ATP2C1: variants seen among roughly 807,000 people sequenced by gnomAD.
ATP2C1 encodes the protein calcium-transporting ATPase type 2C member 1.
Under a neutral mutation model 120.5 loss-of-function variants are expected in ATP2C1, and 31 were observed. The ratio of observed to expected loss-of-function variants is 0.26; its 90% CI spans 0.19 to 0.35. ATP2C1 has a LOEUF of 0.35. ATP2C1 is among the 10% of genes least tolerant of loss of function. The pLI, the probability that ATP2C1 is intolerant of heterozygous loss-of-function variation, is 1.00. For synonymous variants in ATP2C1, 351 were observed against 358.7 expected, an observed-to-expected ratio of 0.98 and a Z score of 0.24; for missense variants, 731 against 1,107.5, an observed-to-expected ratio of 0.66 and a Z score of 4.83.
chr3:130,968,432 TATAAG>T (rs2108667859), intron 16 of ATP2C1, among the ~76,000 whole-genome samples: 1 of 152,230 alleles, frequency 6.6e-6, no homozygotes, highest in South Asian at 2.1e-4. Flanking sequence ...CTGAGTCACA[TATAAG>T]ATAAGAACAA....
intron 21 of ATP2C1, 140 bp from the exon 22 acceptor site, chr3:130,993,792 T>C: frequency 1.2e-6 from 1 of 852,078 alleles, no homozygotes; most frequent in Non-Finnish European, 1.9e-6. Context: ...TTTGTTGAAG[T>C]TCATTGAACA....
chr3:130,957,873 A>G (rs1206719001), intron 11 of ATP2C1, among the ~76,000 whole-genome samples: 1 of 152,234 alleles, frequency 6.6e-6, no homozygotes, highest in Non-Finnish European at 1.5e-5. Flanking sequence ...ATACAATATT[A>G]GTTGAAATAA....
chr3:130,931,677 AT>A (rs1035940869), intron 3 of ATP2C1, among the ~76,000 whole-genome samples: 3 of 151,888 alleles, frequency 2.0e-5, no homozygotes, highest in Non-Finnish European at 2.9e-5. Context: ...TTTTGTTTAC[AT>A]TTTTTTTAAA....
chr3:130,945,323 T>C (rs1032355186), intron 8 of ATP2C1, among the ~76,000 whole-genome samples: 1 of 152,220 alleles, frequency 6.6e-6, no homozygotes, highest in African/African-American at 2.4e-5. Flanking sequence ...TGACTATGTA[T>C]GCCTGGATAA....
At position 130,953,914 on chromosome 3, in the gene ATP2C1, G is replaced by A. The variant is rs764809831; in HGVS notation, c.625G>A (p.Asp209Asn). ...TAPQPAATNG[D>N]LASRSNIAFM... The stretch of plus-strand genomic sequence containing the variant: ...TCCTCAGCCAGCTGCAACTAATGGA[G>A]ATCTTGCATCGAGAAGTAACATTGC... The change falls in exon 9 of 28, where the codon GAT becomes AAT. Residue 209 changes from aspartate (D) to asparagine (N), a missense_variant. Around this residue, in one of 3 missense-constraint regions of ATP2C1, gnomAD observed 571 missense variants for 845.9 expected, o/e 0.67. Coordinates refer to ENST00000510168, the MANE Select transcript of ATP2C1 (RefSeq NM_001378687.1). 2 of 1,614,102 alleles carry A rather than the reference G, an allele frequency of 1.2e-6. No individual in the cohort carries two copies. The highest frequency in any genetic ancestry group is 1.1e-5 in the South Asian group (1 of 91,090).
intron 19 of ATP2C1, among the ~76,000 whole-genome samples, chr3:130,979,731 A>G (rs966079538): frequency 1.3e-5 from 2 of 152,218 alleles, no homozygotes; most frequent in Non-Finnish European, 1.5e-5. Flanking sequence ...GTCAAAGGAA[A>G]CATGAAACTT....
upstream of ATP2C1, among the ~76,000 whole-genome samples, chr3:130,891,952 C>T (rs1372721280): frequency 2.0e-5 from 3 of 152,190 alleles, no homozygotes; most frequent in Admixed American, 2.0e-4. Flanking sequence ...ACTAATTGGT[C>T]AATTCTTCTT....
intron 2 of ATP2C1, among the ~76,000 whole-genome samples, chr3:130,895,889 G>A (rs1241643868): frequency 2.0e-5 from 3 of 152,184 alleles, no homozygotes; most frequent in Non-Finnish European, 4.4e-5. Context: ...TGGATAATTG[G>A]CGGAAGACAT....
chr3:130,969,529 T>G (rs1167151833), intron 17 of ATP2C1, 133 bp downstream of exon 17: 1 of 703,672 alleles, frequency 1.4e-6, no homozygotes, highest in African/African-American at 1.8e-5. Flanking sequence ...TAATTAATAG[T>G]ACACTCATCT....
chr3:130,974,492 C>A (rs541857070), intron 17 of ATP2C1, among the ~76,000 whole-genome samples: 3 of 152,152 alleles, frequency 2.0e-5, no homozygotes, highest in African/African-American at 7.2e-5. Flanking sequence ...CATACCTGAC[C>A]GTTGTGGAGT....
At chr3:130,850,710 A>G (rs2067649872) in exon 1 of ATP2C1, 2 of 509,260 alleles carry the variant, frequency 3.9e-6, no homozygotes. Flanking sequence ...GTAGGAGGGA[A>G]GTTGTCGAGC....
intron 17 of ATP2C1, among the ~76,000 whole-genome samples, chr3:130,972,485 T>TTA (rs1553773312): frequency 1.0e-3 from 158 of 151,826 alleles, no homozygotes; most frequent in African/African-American, 3.5e-3. Context: ...TTTTTTTTTT[T>TTA]TATATACTTT....
chr3:130,936,029 G>A (rs1288175228), intron 5 of ATP2C1, among the ~76,000 whole-genome samples: 3 of 152,166 alleles, frequency 2.0e-5, no homozygotes, highest in Non-Finnish European at 4.4e-5. Context: ...TGAATTAAAT[G>A]AGCGAATCAG....
chr3:130,852,338 AT>A (rs202122157), intron 1 of ATP2C1, among the ~76,000 whole-genome samples: 25 of 150,460 alleles, frequency 1.7e-4, no homozygotes, highest in African/African-American at 4.1e-4. Context: ...GAATTGAGTG[AT>A]TTTTTTTTTC....
At chr3:130,933,710 C>G (rs914928432) in intron 4 of ATP2C1, among the ~76,000 whole-genome samples, 1 of 152,048 alleles carries the variant, frequency 6.6e-6, no homozygotes, top group Non-Finnish European at 1.5e-5. Flanking sequence ...GGGCCTTATG[C>G]CTAAAGATTT....
chr3:130,946,999 A>G (rs760607931), intron 8 of ATP2C1, among the ~76,000 whole-genome samples: 2 of 152,232 alleles, frequency 1.3e-5, no homozygotes, highest in Non-Finnish European at 2.9e-5. Context: ...CTTGCAAACA[A>G]CTGTGATTCA....
intron 20 of ATP2C1, among the ~76,000 whole-genome samples, chr3:130,987,478 A>G (rs1050519290): frequency 1.3e-5 from 2 of 152,104 alleles, no homozygotes; most frequent in Admixed American, 6.5e-5. Context: ...CTACTGGCAT[A>G]TGCCACCATG....
chr3:130,947,533 A>C (rs1380622183), intron 8 of ATP2C1, among the ~76,000 whole-genome samples: 1 of 152,178 alleles, frequency 6.6e-6, no homozygotes. Flanking sequence ...TACAATATGT[A>C]GTCTTTTATG....
intron 8 of ATP2C1, among the ~76,000 whole-genome samples, chr3:130,949,817 C>T (rs1183932470): frequency 6.6e-6 from 1 of 152,056 alleles, no homozygotes; most frequent in Non-Finnish European, 1.5e-5. Flanking sequence ...TTTGCATAAA[C>T]AGTGAGGTAT....
Sources: allele counts gnomAD v4.1 joint callset (sites outside exome capture counted in the v4.1 genomes callset), GRCh38; gene constraint gnomAD v4.1.1; regional missense constraint gnomAD v4.1.1; transcripts MANE v1.5; gene names NCBI Gene and HGNC (gene_info 2026-07-23, HGNC 2026-07-21).